EPB41L2: variants seen among roughly 807,000 people sequenced by gnomAD.
EPB41L2 encodes the protein band 4.1-like protein 2.
Under a neutral mutation model 113.0 loss-of-function variants are expected in EPB41L2, and 43 were observed. The ratio of observed to expected loss-of-function variants is 0.38; its 90% confidence interval spans 0.30 to 0.49. The LOEUF (loss-of-function observed/expected upper bound fraction) is 0.49, where lower values mean the gene tolerates loss of function less well. Ranked by LOEUF, EPB41L2 falls within the 20% of genes least tolerant of loss-of-function variation. EPB41L2 has a pLI of 0.95. For synonymous variants in EPB41L2, 442 were observed against 436.7 expected, an observed-to-expected ratio of 1.01 and a Z score of -0.15; for missense variants, 1,147 against 1,223.4, an observed-to-expected ratio of 0.94 and a Z score of 0.93.
chr6:131,004,441 A>G (rs970345674), intron 1 of EPB41L2, among the ~76,000 whole-genome samples: 12 of 152,218 alleles, frequency 7.9e-5, no homozygotes, highest in African/African-American at 2.7e-4. Flanking sequence ...CTTCACAGAA[A>G]CAGTCATTAA....
chr6:131,032,422 A>G (rs1792365673), intron 1 of EPB41L2, among the ~76,000 whole-genome samples: 1 of 152,206 alleles, frequency 6.6e-6, no homozygotes, highest in Non-Finnish European at 1.5e-5. Flanking sequence ...GCTTGCACAG[A>G]AGGTCACAGT....
At chr6:131,042,250 T>C (rs376581634) in intron 1 of EPB41L2, among the ~76,000 whole-genome samples, 1 of 152,178 alleles carries the variant, frequency 6.6e-6, no homozygotes, top group African/African-American at 2.4e-5. Flanking sequence ...AGAATCTTCA[T>C]CTAATACCTA....
intron 1 of EPB41L2, among the ~76,000 whole-genome samples, chr6:131,037,452 A>C (rs1393944070): frequency 1.3e-5 from 2 of 152,184 alleles, no homozygotes; most frequent in African/African-American, 2.4e-5. Context: ...GGTTTGAAAA[A>C]AAGTGGCTCT....
At position 130,890,476 on chromosome 6, in the gene EPB41L2, G is replaced by GA. The variant is rs78924534; in HGVS notation, c.1488-11dup. The GA allele has an allele frequency of 0.013, 17,817 of 1,327,032 alleles. 4 individuals are homozygous for GA. Among genetic ancestry groups the GA allele is most frequent in the African/African-American group, 0.04 (1,896 of 47,742 alleles). 82.2% of individuals were successfully genotyped at this position (1,327,032 alleles called of 1,614,324 possible). On this transcript the variant is annotated splice_polypyrimidine_tract_variant and intron_variant, in intron 10 of 19. Coordinates refer to ENST00000337057, the MANE Select transcript of EPB41L2 (RefSeq NM_001431.4). ...CTCTGGAGAAACAAGCCTATGGGAG[G>GA]AAAAAAAAAAAAAAAGAGAGAGAGA...
At chr6:130,853,837 C>T (rs956771915) in intron 19 of EPB41L2, among the ~76,000 whole-genome samples, 3 of 152,150 alleles carry the variant, frequency 2.0e-5, no homozygotes, top group South Asian at 2.1e-4. Flanking sequence ...TTTGACATTC[C>T]GATATTGTCC....
At chr6:131,046,068 T>A (rs540398818) in intron 1 of EPB41L2, among the ~76,000 whole-genome samples, 47 of 145,310 alleles carry the variant, frequency 3.2e-4, no homozygotes, top group Non-Finnish European at 5.9e-4. Context: ...CGCCTCAGTC[T>A]CCGAAGCTAA....
At chr6:130,854,794 A>G (rs537538599) in intron 19 of EPB41L2, among the ~76,000 whole-genome samples, 1 of 152,336 alleles carries the variant, frequency 6.6e-6, no homozygotes, top group East Asian at 1.9e-4. Flanking sequence ...GCCTAATGTC[A>G]ATATAGTTGG....
intron 3 of EPB41L2, among the ~76,000 whole-genome samples, 178 bp downstream of exon 3, chr6:130,954,927 T>G (rs1197820996): frequency 6.6e-6 from 1 of 152,222 alleles, no homozygotes; most frequent in African/African-American, 2.4e-5. Flanking sequence ...GCATCCCTGC[T>G]TATCCCAAGG....
chr6:130,980,813 GAA>G (rs1779231000), intron 1 of EPB41L2, among the ~76,000 whole-genome samples: 1 of 152,132 alleles, frequency 6.6e-6, no homozygotes, highest in South Asian at 2.1e-4. Context: ...AACACTATAA[GAA>G]AAGTCACTTT....
At chr6:130,864,946 C>T (rs576684400) in intron 17 of EPB41L2, among the ~76,000 whole-genome samples, 43 of 152,312 alleles carry the variant, frequency 2.8e-4, no homozygotes, top group Non-Finnish European at 5.1e-4. Flanking sequence ...TCACTGGAAG[C>T]TTCTTAAGAC....
intron 18 of EPB41L2, 60 bp from the exon 19 acceptor site, chr6:130,858,303 G>A: frequency 2.3e-6 from 3 of 1,315,748 alleles, no homozygotes; most frequent in South Asian, 2.6e-5. Context: ...CCTCACAATG[G>A]CAAAACACAC....
Position 130,850,982 on chromosome 6 carries a change from C to A in EPB41L2, c.*5+7149G>T, listed in dbSNP as rs77041706. 5.3e-5 allele frequency among the ~76,000 whole-genome samples: 8 copies of A among 152,280 alleles called. No homozygotes were observed. In the East Asian group the frequency reaches 1.5e-3, roughly 29 times the overall value. On this transcript the variant is annotated intron_variant, in intron 19 of 19. Coordinates refer to ENST00000337057, the MANE Select transcript of EPB41L2 (RefSeq NM_001431.4). ...CTAAAACTCACTAAACCAAAACTAG[C>A]TTTTTATTTCTATGCAGAAGTCAGT...
chr6:130,986,648 C>T (rs1309133266), intron 1 of EPB41L2, among the ~76,000 whole-genome samples: 2 of 151,234 alleles, frequency 1.3e-5, no homozygotes, highest in Non-Finnish European at 2.9e-5. Flanking sequence ...TGCAGTGGCA[C>T]GATCTTGGCT....
chr6:131,043,102 C>A (rs1794759661), intron 1 of EPB41L2, among the ~76,000 whole-genome samples: 2 of 152,174 alleles, frequency 1.3e-5, no homozygotes, highest in African/African-American at 4.8e-5. Context: ...AGTTCAAGAC[C>A]AGCCTGGTAA....
intron 13 of EPB41L2, among the ~76,000 whole-genome samples, chr6:130,879,083 G>T (rs1419028454): frequency 6.6e-6 from 1 of 152,090 alleles, no homozygotes; most frequent in Non-Finnish European, 1.5e-5. Flanking sequence ...AATAGTATTT[G>T]TTTTAACCAA....
chr6:131,045,777 C>T (rs1442705732), intron 1 of EPB41L2, among the ~76,000 whole-genome samples: 1 of 152,062 alleles, frequency 6.6e-6, no homozygotes, highest in African/African-American at 2.4e-5. Context: ...TTGTTTGTTA[C>T]CATTAAAAAT....
At chr6:130,855,919 C>T (rs1002366899) in intron 19 of EPB41L2, among the ~76,000 whole-genome samples, 5 of 152,006 alleles carry the variant, frequency 3.3e-5, no homozygotes, top group Non-Finnish European at 7.4e-5. Context: ...TACCATGTAT[C>T]AAGACCCATT....
At chr6:130,898,560 T>C (rs1295805017) in intron 8 of EPB41L2, among the ~76,000 whole-genome samples, 1 of 152,218 alleles carries the variant, frequency 6.6e-6, no homozygotes, top group East Asian at 1.9e-4. Flanking sequence ...AGAACCATGA[T>C]GTAAGTGATA....
At chr6:131,001,273 A>G (rs917589389) in intron 1 of EPB41L2, among the ~76,000 whole-genome samples, 3 of 152,082 alleles carry the variant, frequency 2.0e-5, no homozygotes, top group Non-Finnish European at 4.4e-5. Flanking sequence ...GAGAGCTCCA[A>G]TGCCTACTCT....
Sources: allele counts gnomAD v4.1 joint callset (sites outside exome capture counted in the v4.1 genomes callset), GRCh38; gene constraint gnomAD v4.1.1; transcripts MANE v1.5; gene names NCBI Gene and HGNC (gene_info 2026-07-23, HGNC 2026-07-21).